The following NRXN3 variants were observed in gnomAD, a reference collection of about 807,000 sequenced individuals.
The protein encoded by NRXN3 is neurexin III.
NRXN3 carries 32 observed loss-of-function variants against 137.6 expected under a neutral mutation model. The ratio of observed to expected loss-of-function variants is 0.23; its 90% CI spans 0.18 to 0.31. The LOEUF is 0.31. NRXN3 is among the 10% of genes least tolerant of loss of function. The pLI is 1.00. For missense variants in NRXN3, 1,574 were observed against 2,062.5 expected, an observed-to-expected ratio of 0.76 and a Z score of 4.59; for synonymous variants, 798 against 784.5, an observed-to-expected ratio of 1.02 and a Z score of -0.29.
At chr14:79,782,502 A>G (rs926918737) in intron 19 of NRXN3, among the ~76,000 whole-genome samples, 1 of 152,140 alleles carries the variant, frequency 6.6e-6, no homozygotes, top group African/African-American at 2.4e-5. Flanking sequence ...TCTTAGATCA[A>G]TTTCACCCAT....
intron 4 of NRXN3, among the ~76,000 whole-genome samples, chr14:78,529,806 A>G (rs1403718370): frequency 6.6e-6 from 1 of 152,126 alleles, no homozygotes; most frequent in Non-Finnish European, 1.5e-5. Flanking sequence ...CTCATCCCCC[A>G]TCAACAAATC....
At chr14:79,521,611 G>A (rs2097065790) in intron 16 of NRXN3, among the ~76,000 whole-genome samples, 1 of 152,056 alleles carries the variant, frequency 6.6e-6, no homozygotes, top group South Asian at 2.1e-4. Flanking sequence ...AATTAATTGA[G>A]TTGATACTTT....
intron 15 of NRXN3, among the ~76,000 whole-genome samples, chr14:79,082,755 C>T (rs1436526249): frequency 6.6e-6 from 1 of 152,052 alleles, no homozygotes; most frequent in Non-Finnish European, 1.5e-5. Flanking sequence ...GTAGGGACAT[C>T]CAAGCAAAAC....
At position 79,259,476 on chromosome 14, in the gene NRXN3, C is replaced by T. The variant is rs144410472; in HGVS notation, c.3263-207745C>T. 6.6e-5 allele frequency among the ~76,000 whole-genome samples: 10 copies of T among 151,244 alleles called. No homozygotes were observed. In the East Asian group the frequency reaches 1.6e-3, roughly 23 times the overall value. ...AACCCTTATCTGCAGGGAACGTCAA[C>T]GTGGTTGTAGCATCAATAGAATAAG... On this transcript the variant is annotated intron_variant, in intron 15 of 20. Coordinates refer to ENST00000335750, the MANE Select transcript of NRXN3 (RefSeq NM_001330195.2).
intron 14 of NRXN3, among the ~76,000 whole-genome samples, chr14:78,977,460 A>G (rs117259427): frequency 0.012 from 1,777 of 152,258 alleles, 10 homozygotes; most frequent in Non-Finnish European, 0.019. Flanking sequence ...CAGTGCCTAG[A>G]AAACAAGGAA....
At chr14:79,495,664 C>CTAT (rs2153663476) in intron 16 of NRXN3, among the ~76,000 whole-genome samples, 1 of 152,220 alleles carries the variant, frequency 6.6e-6, no homozygotes, top group African/African-American at 2.4e-5. Flanking sequence ...ATTATTAATA[C>CTAT]TATTTTACAG....
At chr14:79,017,805 C>G (rs2099581796) in intron 15 of NRXN3, among the ~76,000 whole-genome samples, 2 of 152,168 alleles carry the variant, frequency 1.3e-5, no homozygotes, top group South Asian at 4.2e-4. Flanking sequence ...AGTCTGTGGG[C>G]CTTTCGTGTC....
chr14:78,540,144 T>C (rs2096574802), intron 4 of NRXN3, among the ~76,000 whole-genome samples: 1 of 152,332 alleles, frequency 6.6e-6, no homozygotes, highest in South Asian at 2.1e-4. Flanking sequence ...AGAGCTGAGT[T>C]CAAGTCCTGG....
chr14:79,142,130 A>G (rs1230434602), intron 15 of NRXN3, among the ~76,000 whole-genome samples: 1 of 152,166 alleles, frequency 6.6e-6, no homozygotes, highest in Non-Finnish European at 1.5e-5. Flanking sequence ...AGATTTGTCC[A>G]TTGAAAAGGG....
intron 4 of NRXN3, among the ~76,000 whole-genome samples, chr14:78,471,176 C>T (rs1161044540): frequency 6.6e-6 from 1 of 152,028 alleles, no homozygotes; most frequent in Non-Finnish European, 1.5e-5. Flanking sequence ...TCATAAAAAT[C>T]AACAAGCTTA....
intron 15 of NRXN3, among the ~76,000 whole-genome samples, chr14:79,386,957 T>C (rs2094642052): frequency 6.6e-6 from 1 of 152,194 alleles, no homozygotes; most frequent in South Asian, 2.1e-4. Flanking sequence ...TAATTCAAGA[T>C]GGATTAAAGA....
At chr14:79,354,955 T>C (rs2093363860) in intron 15 of NRXN3, among the ~76,000 whole-genome samples, 1 of 152,168 alleles carries the variant, frequency 6.6e-6, no homozygotes, top group Non-Finnish European at 1.5e-5. Context: ...GTCCGAGGTA[T>C]AGATAATTGT....
chr14:78,541,365 G>A (rs1357008603), intron 4 of NRXN3, among the ~76,000 whole-genome samples: 1 of 151,842 alleles, frequency 6.6e-6, no homozygotes, highest in East Asian at 1.9e-4. Flanking sequence ...TCATTAATTT[G>A]ATCTTCAATC....
chr14:78,428,376 A>C (rs67254727), intron 4 of NRXN3, among the ~76,000 whole-genome samples: 17,451 of 152,102 alleles, frequency 0.11, 1,415 homozygotes, highest in African/African-American at 0.22. Flanking sequence ...CAATATGCCC[A>C]GCTGTATTCC....
chr14:79,204,587 G>T (rs767462956), intron 15 of NRXN3, among the ~76,000 whole-genome samples: 1 of 152,078 alleles, frequency 6.6e-6, no homozygotes, highest in Non-Finnish European at 1.5e-5. Context: ...CCTTGTGAGG[G>T]TGAATGTCTG....
In NRXN3 at chr14:78,201,135, A is replaced by T. The variant is rs1250438922; in HGVS notation, c.-704+30461A>T. Reference sequence around the variant, plus strand: ...ATTTTCAACATTAATATTGGAAGTGACAGCCTGCTGACCATCTGGAAGAAT... The same window carrying T: ...ATTTTCAACATTAATATTGGAAGTGTCAGCCTGCTGACCATCTGGAAGAAT... On this transcript the variant is annotated intron_variant, in intron 1 of 20. Transcript: ENST00000335750. 3.9e-5 allele frequency among the ~76,000 whole-genome samples: 6 copies of T among 152,350 alleles called. No homozygotes were observed. The East Asian group carries it at 1.2e-3, about 29-fold the overall frequency.
chr14:79,493,212 C>T (rs1045124160), intron 16 of NRXN3, among the ~76,000 whole-genome samples: 7 of 152,176 alleles, frequency 4.6e-5, no homozygotes, highest in African/African-American at 1.7e-4. Flanking sequence ...AATTGCTTTT[C>T]TTGGTGAATC....
At chr14:79,628,493 A>G (rs1267711891) in intron 16 of NRXN3, among the ~76,000 whole-genome samples, 2 of 152,190 alleles carry the variant, frequency 1.3e-5, no homozygotes, top group Non-Finnish European at 2.9e-5. Context: ...GGAGATTTGT[A>G]GAGTGTGGGG....
intron 15 of NRXN3, among the ~76,000 whole-genome samples, chr14:79,221,765 C>T (rs1052261671): frequency 2.0e-5 from 3 of 152,162 alleles, no homozygotes; most frequent in Non-Finnish European, 4.4e-5. Flanking sequence ...AATTAGATCC[C>T]ATTTGTCAAT....
Sources: gnomAD v4.1 joint callset for allele counts (sites outside exome capture counted in the v4.1 genomes callset) on GRCh38, gnomAD v4.1.1 for gene constraint, MANE v1.5 for transcripts, NCBI Gene and HGNC (gene_info 2026-07-23, HGNC 2026-07-21) for gene names.